The following TTBK2 variants were observed in gnomAD, a reference collection of about 807,000 sequenced individuals.
TTBK2 encodes the protein tau-tubulin kinase 2.
Under a neutral mutation model 110.8 loss-of-function variants are expected in TTBK2, and 28 were observed. The ratio of observed to expected loss-of-function variants is 0.25; its 90% CI spans 0.19 to 0.35. The LOEUF (loss-of-function observed/expected upper bound fraction) is 0.35, where lower values mean the gene tolerates loss of function less well. Ranked by LOEUF, TTBK2 falls within the 10% of genes least tolerant of loss-of-function variation. The pLI is 1.00. For missense variants in TTBK2, 1,369 were observed against 1,500.3 expected (o/e 0.91, Z 1.45); for synonymous variants, 532 against 527.3 (o/e 1.01, Z -0.12).
intron 4 of TTBK2, among the ~76,000 whole-genome samples, chr15:42,831,974 G>A (rs536107219): frequency 4.6e-5 from 7 of 152,126 alleles, no homozygotes; most frequent in African/African-American, 1.2e-4. Flanking sequence ...AATAAAATAC[G>A]AAGTACTCCT....
chr15:42,847,638 A>C lies in TTBK2; in HGVS notation c.218-7205T>G, dbSNP rs137958180. Reference sequence around the variant, plus strand: ...TAGGCGGAGGTTCATTACTTTTGTAAAAGGATGCCTGATAGTTCCAACACC... The same window carrying C: ...TAGGCGGAGGTTCATTACTTTTGTACAAGGATGCCTGATAGTTCCAACACC... On this transcript the variant is annotated intron_variant, in intron 3 of 14. Coordinates refer to ENST00000267890, the MANE Select transcript of TTBK2 (RefSeq NM_173500.4). Among the ~76,000 whole-genome samples the C allele has an allele frequency of 1.2e-3, 184 of 152,306 alleles. 3 individuals are homozygous for C. In the East Asian group the frequency reaches 0.027, roughly 23 times the overall value.
At chr15:42,915,849 A>AG (rs1469276576) in intron 1 of TTBK2, among the ~76,000 whole-genome samples, 6 of 152,096 alleles carry the variant, frequency 3.9e-5, no homozygotes, top group Admixed American at 6.6e-5. Context: ...CAGGAGGCTA[A>AG]GGGGGGAGGA....
chr15:42,859,064 G>A (rs1262796369), intron 3 of TTBK2, among the ~76,000 whole-genome samples: 1 of 151,926 alleles, frequency 6.6e-6, no homozygotes, highest in Non-Finnish European at 1.5e-5. Context: ...CTAACCTGCT[G>A]GAGTTTGTTT....
intron 14 of TTBK2, among the ~76,000 whole-genome samples, chr15:42,751,528 G>C (rs1046670102): frequency 6.6e-6 from 1 of 152,212 alleles, no homozygotes; most frequent in African/African-American, 2.4e-5. Context: ...CTTGGGGCCA[G>C]GAGTTTGAGA....
intron 6 of TTBK2, among the ~76,000 whole-genome samples, chr15:42,817,632 C>A (rs544061650): frequency 3.9e-5 from 6 of 152,138 alleles, no homozygotes; most frequent in African/African-American, 1.4e-4. Flanking sequence ...TTAGTATGTG[C>A]CACATACTAG....
chr15:42,753,052 G>A lies in TTBK2; in HGVS notation c.2194C>T (p.Leu732Phe). 6.2e-7 allele frequency: 1 copy of A among 1,612,876 alleles called. No homozygotes were observed. Among genetic ancestry groups the A allele is most frequent in the Non-Finnish European group, 8.5e-7 (1 of 1,179,418 alleles). ...PSGGSRTDLG[L>F]QIDHIGHDML... ...TCATGACCAATGTGATCTATCTGAA[G>A]CCCCAAATCTGTTCTGCTTCCTCCA... The change falls in exon 14 of 15, where the codon CTT becomes TTT. Residue 732 changes from leucine (L) to phenylalanine (F), a missense_variant. Transcript: ENST00000267890.
chr15:42,809,319 G>C (rs1368834843), intron 9 of TTBK2, among the ~76,000 whole-genome samples: 2 of 152,168 alleles, frequency 1.3e-5, no homozygotes, highest in African/African-American at 4.8e-5. Flanking sequence ...ATGTCCAACT[G>C]AAAAACTTGA....
chr15:42,895,785 C>T (rs567569102), intron 1 of TTBK2, among the ~76,000 whole-genome samples: 98 of 152,066 alleles, frequency 6.4e-4, no homozygotes, highest in African/African-American at 2.3e-3. Flanking sequence ...GATCTGCCCA[C>T]CTCAGCCTCC....
intron 1 of TTBK2, among the ~76,000 whole-genome samples, chr15:42,894,704 A>G (rs896665839): frequency 6.6e-6 from 1 of 152,214 alleles, no homozygotes; most frequent in Non-Finnish European, 1.5e-5. Flanking sequence ...CAGTAAGCCA[A>G]GATACCATCA....
At chr15:42,899,213 G>A (rs1194301713) in intron 1 of TTBK2, among the ~76,000 whole-genome samples, 2 of 151,914 alleles carry the variant, frequency 1.3e-5, no homozygotes, top group Non-Finnish European at 2.9e-5. Context: ...GCCCAGGCTG[G>A]TCTCGAACTC....
intron 3 of TTBK2, among the ~76,000 whole-genome samples, chr15:42,855,898 G>T (rs1307659030): frequency 6.6e-6 from 1 of 152,106 alleles, no homozygotes; most frequent in Admixed American, 6.6e-5. Context: ...TAGCCAGGAT[G>T]GTCTCGATCT....
rs1408785093 is a variant in TTBK2 at position 42,829,931 on chromosome 15, T to C, written c.432+7A>G. On this transcript the variant is annotated splice_region_variant and intron_variant, in intron 5 of 14. Coordinates refer to ENST00000267890, the MANE Select transcript of TTBK2 (RefSeq NM_173500.4). Reference sequence around the variant, plus strand: ...CATTCTGTGCTCTGGATAGAAAAGGTCCCTACCGGTTTGATGTCTCGATGC... The same window carrying C: ...CATTCTGTGCTCTGGATAGAAAAGGCCCCTACCGGTTTGATGTCTCGATGC... 6.2e-7 allele frequency: 1 copy of C among 1,613,998 alleles called. No homozygotes were observed. The highest frequency in any genetic ancestry group is 8.5e-7 in the Non-Finnish European group (1 of 1,179,972).
At chr15:42,790,440 A>T (rs1321914513) in intron 10 of TTBK2, among the ~76,000 whole-genome samples, 1 of 151,710 alleles carries the variant, frequency 6.6e-6, no homozygotes, top group Non-Finnish European at 1.5e-5. Context: ...GCACAACACC[A>T]CACCCAGCTA....
intron 9 of TTBK2, chr15:42,801,253 T>C (rs1236238812): frequency 5.8e-6 from 9 of 1,542,934 alleles, no homozygotes; most frequent in Non-Finnish European, 7.1e-6. Context: ...TAGGTGGCGA[T>C]CTTGATATCC....
intron 1 of TTBK2, among the ~76,000 whole-genome samples, chr15:42,904,617 T>A (rs1367550518): frequency 6.6e-6 from 1 of 152,154 alleles, no homozygotes; most frequent in Non-Finnish European, 1.5e-5. Flanking sequence ...AAATGGAGAT[T>A]CAACTTGTAA....
intron 9 of TTBK2, among the ~76,000 whole-genome samples, chr15:42,807,601 T>TTGTTGA (rs1188844720): frequency 1.3e-5 from 2 of 151,428 alleles, no homozygotes; most frequent in African/African-American, 4.9e-5. Flanking sequence ...TTTGTTGTTG[T>TTGTTGA]TGTTGTTTTG....
chr15:42,914,638 C>T (rs1274561068), intron 1 of TTBK2, among the ~76,000 whole-genome samples: 3 of 152,134 alleles, frequency 2.0e-5, no homozygotes, highest in Admixed American at 2.0e-4. Context: ...TTCTTGTGTT[C>T]TGAAAGAACT....
rs144495161 is a variant in TTBK2 at position 42,781,194 on chromosome 15, GA to G, written c.1197+2224del. On this transcript the variant is annotated intron_variant, in intron 11 of 14. Transcript: ENST00000267890. ...TCTGACAAAATAGGCTTTAATGCTAGAAAAAAAAAATAGTAGGAACAGAATA... is the reference window on the plus strand; with the variant it reads ...TCTGACAAAATAGGCTTTAATGCTAGAAAAAAAAATAGTAGGAACAGAATA... 2.4e-3 allele frequency among the ~76,000 whole-genome samples: 351 copies of G among 145,142 alleles called. 1 individual carries two copies. Among genetic ancestry groups the G allele is most frequent in the African/African-American group, 7.8e-3 (311 of 39,620 alleles).
At chr15:42,860,678 C>A (rs1894123575) in intron 3 of TTBK2, among the ~76,000 whole-genome samples, 1 of 123,262 alleles carries the variant, frequency 8.1e-6, no homozygotes, top group Non-Finnish European at 1.6e-5. Flanking sequence ...GCATTTAGTG[C>A]TACACTAAAT....
Sources: gnomAD v4.1 joint callset for allele counts (sites outside exome capture counted in the v4.1 genomes callset) on GRCh38, gnomAD v4.1.1 for gene constraint, MANE v1.5 for transcripts, NCBI Gene and HGNC (gene_info 2026-07-23, HGNC 2026-07-21) for gene names.